Variants in PCGF5 observed in about 807,000 individuals in gnomAD.
The protein encoded by PCGF5 is polycomb group ring finger 5, also known as polycomb group RING finger protein 5.
Under a neutral mutation model 44.3 loss-of-function variants are expected in PCGF5, and 9 were observed. The ratio of observed to expected loss-of-function variants is 0.20; its 90% CI spans 0.12 to 0.35. The LOEUF (loss-of-function observed/expected upper bound fraction) is 0.35, where lower values mean the gene tolerates loss of function less well. PCGF5 is among the 10% of genes least tolerant of loss of function. The pLI is 1.00. For synonymous variants in PCGF5, 95 were observed against 102.5 expected (o/e 0.93, Z 0.44); for missense variants, 146 against 305.3 (o/e 0.48, Z 3.89).
chr10:91,270,898 G>A (rs933353806), intron 8 of PCGF5, among the ~76,000 whole-genome samples: 2 of 151,886 alleles, frequency 1.3e-5, no homozygotes, highest in African/African-American at 2.4e-5. Flanking sequence ...GTTTAGCATA[G>A]TATTTAAGAA....
At chr10:91,244,560 G>A (rs555538795) in intron 3 of PCGF5, among the ~76,000 whole-genome samples, 7 of 152,280 alleles carry the variant, frequency 4.6e-5, no homozygotes, top group South Asian at 2.1e-4. Context: ...GGATTGATCC[G>A]ATATGAACAT....
At chr10:91,253,098 T>C (rs1293826352) in intron 6 of PCGF5, among the ~76,000 whole-genome samples, 1 of 152,010 alleles carries the variant, frequency 6.6e-6, no homozygotes, top group Non-Finnish European at 1.5e-5. Context: ...CTACTTGATA[T>C]ATGTAAGTAT....
intron 1 of PCGF5, among the ~76,000 whole-genome samples, chr10:91,173,351 A>T (rs1369354742): frequency 6.6e-6 from 1 of 152,226 alleles, no homozygotes; most frequent in African/African-American, 2.4e-5. Flanking sequence ...AGTGTGTTTC[A>T]TGACAAATGA....
chr10:91,200,810 A>T (rs1388669998), intron 1 of PCGF5, among the ~76,000 whole-genome samples: 1 of 152,106 alleles, frequency 6.6e-6, no homozygotes, highest in Non-Finnish European at 1.5e-5. Flanking sequence ...CCAATTATAG[A>T]ACCCAATTCA....
chr10:91,200,666 A>C (rs1465426067), intron 1 of PCGF5, among the ~76,000 whole-genome samples: 2 of 152,150 alleles, frequency 1.3e-5, no homozygotes, highest in African/African-American at 2.4e-5. Flanking sequence ...GCAGAGGCTG[A>C]GAGGCAGGAT....
At chr10:91,260,059 C>T (rs1378406465) in intron 6 of PCGF5, among the ~76,000 whole-genome samples, 1 of 140,096 alleles carries the variant, frequency 7.1e-6, no homozygotes, top group Non-Finnish European at 1.5e-5. Context: ...TTTTTGCAAC[C>T]TACTCATCTG....
At position 91,271,669 on chromosome 10, in the gene PCGF5, T is replaced by C; in HGVS notation, c.695T>C (p.Val232Ala). Reference sequence around the variant, plus strand: ...TGTCTGAACTGCTCAGCTTCGCAAGTCTGCTCTCAGGATGGCCCTTTGTAT... The same window carrying C: ...TGTCTGAACTGCTCAGCTTCGCAAGCCTGCTCTCAGGATGGCCCTTTGTAT... ...FRCLNCSASQ[V>A]CSQDGPLYQS... The change falls in exon 9 of 10, where the codon GTC (valine) becomes GCC (alanine). Residue 232 changes from valine to alanine, a missense_variant. This residue lies in a region of PCGF5 where 19 missense variants were observed against 17.2 expected (regional missense o/e 1.11). Transcript: ENST00000336126. 6.2e-7 allele frequency: 1 copy of C among 1,613,984 alleles called. No individual in the cohort carries two copies. Among genetic ancestry groups the C allele is most frequent in the East Asian group, 2.2e-5 (1 of 44,880 alleles).
At chr10:91,200,541 T>G (rs1844232726) in intron 1 of PCGF5, among the ~76,000 whole-genome samples, 2 of 152,186 alleles carry the variant, frequency 1.3e-5, no homozygotes, top group African/African-American at 2.4e-5. Flanking sequence ...CATTTGTCAT[T>G]GTTGAGGTGC....
intron 1 of PCGF5, among the ~76,000 whole-genome samples, chr10:91,181,731 G>T (rs892935110): frequency 2.4e-4 from 37 of 152,156 alleles, no homozygotes; most frequent in South Asian, 6.2e-4. Flanking sequence ...CTTGATGGTG[G>T]CAGATAAGCT....
intron 8 of PCGF5, among the ~76,000 whole-genome samples, chr10:91,270,530 G>A (rs113961384): frequency 1.3e-3 from 197 of 152,252 alleles, no homozygotes; most frequent in African/African-American, 4.5e-3. Flanking sequence ...AAAGAGAGCC[G>A]AGCTGAGCCC....
intron 1 of PCGF5, among the ~76,000 whole-genome samples, chr10:91,200,799 GCCAATTATAGAAC>G (rs936526694): frequency 1.7e-4 from 26 of 152,218 alleles, no homozygotes; most frequent in Middle Eastern, 3.4e-3. Context: ...ATACGGTGGG[GCCAATTATAGAAC>G]CCAATTCATA....
At chr10:91,190,687 T>C (rs936058096) in intron 1 of PCGF5, among the ~76,000 whole-genome samples, 12 of 152,196 alleles carry the variant, frequency 7.9e-5, no homozygotes, top group Non-Finnish European at 1.3e-4. Flanking sequence ...TTGATTTTTT[T>C]CCCCTTAATG....
intron 6 of PCGF5, among the ~76,000 whole-genome samples, chr10:91,255,824 A>G (rs1213255092): frequency 6.6e-6 from 1 of 152,078 alleles, no homozygotes; most frequent in East Asian, 1.9e-4. Context: ...CCCTTCATGG[A>G]TAAGAAAATC....
intron 8 of PCGF5, 71 bp downstream of exon 8, chr10:91,264,591 A>C: frequency 8.2e-7 from 1 of 1,215,640 alleles, no homozygotes; most frequent in East Asian, 2.4e-5. Flanking sequence ...ATTTAACAAT[A>C]TTAGAAACTA....
intron 1 of PCGF5, among the ~76,000 whole-genome samples, chr10:91,170,459 A>G (rs1393997006): frequency 1.3e-5 from 2 of 152,264 alleles, no homozygotes; most frequent in Non-Finnish European, 2.9e-5. Context: ...AGACCTTAAC[A>G]GACACCTCAC....
chr10:91,206,921 G>A (rs1844357447), intron 1 of PCGF5, among the ~76,000 whole-genome samples: 1 of 152,134 alleles, frequency 6.6e-6, no homozygotes, highest in Non-Finnish European at 1.5e-5. Flanking sequence ...CTGCCCCAGA[G>A]TCCCTCTTGG....
At chr10:91,172,716 G>A (rs1388256518) in intron 1 of PCGF5, among the ~76,000 whole-genome samples, 1 of 152,184 alleles carries the variant, frequency 6.6e-6, no homozygotes, top group Non-Finnish European at 1.5e-5. Flanking sequence ...ACTAACCTTT[G>A]TGGCCGCAGA....
At chr10:91,163,349 G>A (rs1425171119) in intron 1 of PCGF5, among the ~76,000 whole-genome samples, 1 of 151,654 alleles carries the variant, frequency 6.6e-6, no homozygotes, top group Non-Finnish European at 1.5e-5. Flanking sequence ...GCAAGGGGAG[G>A]GCCCCGAGGA....
At chr10:91,232,446 A>G (rs1219725511) in intron 2 of PCGF5, among the ~76,000 whole-genome samples, 1 of 152,216 alleles carries the variant, frequency 6.6e-6, no homozygotes, top group East Asian at 1.9e-4. Flanking sequence ...CTGCAAAAGA[A>G]AGCAAATAAA....
Sources: gnomAD v4.1 joint callset for allele counts (sites outside exome capture counted in the v4.1 genomes callset) on GRCh38, gnomAD v4.1.1 for gene constraint, gnomAD v4.1.1 regional missense constraint, MANE v1.5 for transcripts, NCBI Gene and HGNC (gene_info 2026-07-23, HGNC 2026-07-21) for gene names.